The following MORN1 variants were observed in gnomAD, a reference collection of about 807,000 sequenced individuals.
MORN1 encodes MORN repeat-containing protein 1.
A neutral mutation model predicts 61.9 loss-of-function variants in MORN1; 67 were observed. The ratio of observed to expected loss-of-function variants is 1.08; its 90% CI spans 0.89 to 1.33. The LOEUF (loss-of-function observed/expected upper bound fraction) is 1.33. Among genes scored for constraint, MORN1 ranks in the 40% most tolerant of loss-of-function variants. The pLI is 0.00. For synonymous variants in MORN1, 301 were observed against 292.0 expected (o/e 1.03, Z -0.31); for missense variants, 752 against 691.2 (o/e 1.09, Z -0.99).
chr1:2,349,366 G>C (rs1641599382), intron 10 of MORN1, among the ~76,000 whole-genome samples: 1 of 152,208 alleles, frequency 6.6e-6, no homozygotes, highest in South Asian at 2.1e-4. Context: ...CACCCACAAG[G>C]CTGCCTGAAG....
intron 13 of MORN1, chr1:2,323,729 C>G: frequency 1.0e-6 from 1 of 985,366 alleles, no homozygotes; most frequent in South Asian, 4.7e-5. Flanking sequence ...TGCTGGGGAG[C>G]AGCTCCTCAT....
At chr1:2,347,952 A>G (rs1641551418) in intron 10 of MORN1, among the ~76,000 whole-genome samples, 1 of 152,142 alleles carries the variant, frequency 6.6e-6, no homozygotes, top group African/African-American at 2.4e-5. Context: ...GCATTTTACA[A>G]ACCGGGAAGT....
intron 8 of MORN1, among the ~76,000 whole-genome samples, chr1:2,370,271 G>A (rs2100332844): frequency 1.3e-5 from 2 of 152,324 alleles, no homozygotes; most frequent in Admixed American, 1.3e-4. Context: ...AACAAATGAT[G>A]CTGGGATGAT....
intron 12 of MORN1, among the ~76,000 whole-genome samples, chr1:2,324,557 G>A (rs986814038): frequency 1.4e-4 from 22 of 152,186 alleles, no homozygotes; most frequent in African/African-American, 4.6e-4. Context: ...ACTTAGGAGC[G>A]GCGGAAGTCT....
Position 2,323,994 on chromosome 1 carries a change from C to T in MORN1, c.1297+103G>A, listed in dbSNP as rs1640940865. On this transcript the variant is annotated intron_variant, in intron 13 of 13. Coordinates refer to ENST00000378531, the MANE Select transcript of MORN1 (RefSeq NM_024848.3). ...ACCCACTGCCACCTACCTCTGGGGG[C>T]CCCGGGCCGAGTTCCCCCAACCCCA... The T allele has an allele frequency of 1.3e-5, 19 of 1,467,718 alleles. No homozygotes were observed. The South Asian group carries it at 2.2e-4, about 17-fold the overall frequency. The allele number at this position is 1,467,718 out of a possible 1,614,324, so 90.9% of individuals were successfully genotyped here. A position where few individuals can be genotyped will look rare whatever the true frequency, so the allele number is the denominator to read the frequency against.
intron 6 of MORN1, among the ~76,000 whole-genome samples, chr1:2,383,348 T>C (rs1570043754): frequency 6.6e-6 from 1 of 152,180 alleles, no homozygotes; most frequent in Non-Finnish European, 1.5e-5. Flanking sequence ...GGGAGTTTCC[T>C]GAGAAGTAGC....
At chr1:2,380,906 G>C (rs1289801254) in intron 6 of MORN1, among the ~76,000 whole-genome samples, 2 of 152,306 alleles carry the variant, frequency 1.3e-5, no homozygotes, top group Non-Finnish European at 2.9e-5. Context: ...GACACCACAA[G>C]CAACGGCTGT....
Position 2,324,092 on chromosome 1 carries a change from C to T in MORN1, c.1297+5G>A, listed in dbSNP as rs372364139. ...CGGCGATGGACTTGGGCCCTGTCCA[C>T]CTACCTAGGTGTGCTGCCGCAGCCT... On this transcript the variant is annotated splice_donor_5th_base_variant and intron_variant, in intron 13 of 13. Coordinates refer to ENST00000378531, the MANE Select transcript of MORN1 (RefSeq NM_024848.3). The T allele has an allele frequency of 1.9e-5, 31 of 1,596,756 alleles. No individual in the cohort carries two copies. In the African/African-American group the frequency reaches 3.5e-4, roughly 18 times the overall value.
At position 2,357,438 on chromosome 1, in the gene MORN1, G is replaced by A. The variant is rs1343477249; in HGVS notation, c.1030C>T (p.Leu344=). 1 of 1,602,506 alleles carries A rather than the reference G, an allele frequency of 6.2e-7. No individual in the cohort carries two copies. The highest frequency in any genetic ancestry group is 8.5e-7 in the Non-Finnish European group (1 of 1,174,458). The change falls in exon 10 of 14, where the codon CTG becomes TTG. Residue 344 remains leucine, a synonymous_variant. Coordinates refer to ENST00000378531, the MANE Select transcript of MORN1 (RefSeq NM_024848.3). This position sits in a 1 kb window ranked among gnomAD's most constrained non-coding sequence, Gnocchi z 6.3. ...LHGQEDTPGG[L]LARGHAPHCP... The stretch of plus-strand genomic sequence containing the variant: ...GTTTGTGAGCTCCACTTACCAAGCA[G>A]GCCACCAGGGGTGTCCTCCTGGCCA...
chr1:2,331,069 G>A (rs893661654), intron 12 of MORN1, among the ~76,000 whole-genome samples: 5 of 152,216 alleles, frequency 3.3e-5, no homozygotes, highest in Non-Finnish European at 5.9e-5. Flanking sequence ...CGGCGGGCAC[G>A]TGCGGGGCCC....
chr1:2,390,856 C>A (rs1300416297), intron 1 of MORN1: 16 of 596,212 alleles, frequency 2.7e-5, no homozygotes, highest in Non-Finnish European at 3.2e-5. Context: ...TCAAGCGATT[C>A]TCCTGCCTCA....
chr1:2,325,764 G>C (rs1400883125), intron 12 of MORN1, among the ~76,000 whole-genome samples: 2 of 150,286 alleles, frequency 1.3e-5, no homozygotes, highest in African/African-American at 4.9e-5. Flanking sequence ...TAAGATTACA[G>C]GCACGTGCCA....
At chr1:2,379,634 C>T (rs533815275) in intron 6 of MORN1, among the ~76,000 whole-genome samples, 40 of 152,240 alleles carry the variant, frequency 2.6e-4, no homozygotes, top group Non-Finnish European at 4.3e-4. Flanking sequence ...AGACCGGGTG[C>T]GCAGTGGTGG....
intron 11 of MORN1, 58 bp from the exon 12 acceptor site, chr1:2,336,606 G>T: frequency 6.2e-7 from 1 of 1,601,694 alleles, no homozygotes; most frequent in Non-Finnish European, 8.5e-7. Context: ...GGGCCTAGGA[G>T]CTCTGCTCCA....
intron 10 of MORN1, among the ~76,000 whole-genome samples, chr1:2,348,406 G>A (rs1641561231): frequency 6.6e-6 from 1 of 152,124 alleles, no homozygotes; most frequent in Admixed American, 6.5e-5. Flanking sequence ...TCTCCGTGGG[G>A]AGCTGACTCC....
At chr1:2,386,969 C>G (rs1218567484) in intron 4 of MORN1, 2 of 174,294 alleles carry the variant, frequency 1.1e-5, no homozygotes, top group Non-Finnish European at 2.5e-5. Flanking sequence ...TCCAAGACTA[C>G]TGGGCAAGGA....
chr1:2,379,210 T>C (rs1642316418), intron 6 of MORN1: 2 of 468,090 alleles, frequency 4.3e-6, no homozygotes, highest in Non-Finnish European at 8.9e-6. Context: ...TCTCCTACTA[T>C]AGATGGGTGG....
At chr1:2,370,812 G>A (rs1642102271) in intron 8 of MORN1, among the ~76,000 whole-genome samples, 1 of 151,728 alleles carries the variant, frequency 6.6e-6, no homozygotes, top group African/African-American at 2.4e-5. Context: ...CCGAGTAGCT[G>A]GGACCACACG....
rs145418819 is a variant in MORN1 at position 2,359,230 on chromosome 1, C to T, written c.746-515G>A. ...GATAGCAGGCTCTCCGTGCCCATCTCCCACCTTGACCCGGGGGGATGGGCT... is the reference window on the plus strand; with the variant it reads ...GATAGCAGGCTCTCCGTGCCCATCTTCCACCTTGACCCGGGGGGATGGGCT... On this transcript the variant is annotated intron_variant, in intron 8 of 13. Coordinates refer to ENST00000378531, the MANE Select transcript of MORN1 (RefSeq NM_024848.3). Among the ~76,000 whole-genome samples, 971 of 152,278 alleles carry T rather than the reference C, an allele frequency of 6.4e-3. 11 individuals carry two copies. The highest frequency in any genetic ancestry group is 0.022 in the African/African-American group (912 of 41,562).
Sources: gnomAD v4.1 joint callset for allele counts (sites outside exome capture counted in the v4.1 genomes callset) on GRCh38, gnomAD v4.1.1 for gene constraint, Gnocchi (gnomAD v3.1) non-coding constraint, MANE v1.5 for transcripts, NCBI Gene and HGNC (gene_info 2026-07-23, HGNC 2026-07-21) for gene names.